ATP11A: variants seen among roughly 807,000 people sequenced by gnomAD.
The protein encoded by ATP11A is phospholipid-transporting ATPase IH.
In ATP11A, 81 loss-of-function variants were observed where a neutral mutation model predicts 154.4. The ratio of observed to expected loss-of-function variants is 0.52; its 90% CI spans 0.44 to 0.63. ATP11A has a LOEUF of 0.63. ATP11A is among the 30% of genes least tolerant of loss of function. ATP11A has a pLI of 0.00. For synonymous variants in ATP11A, 623 were observed against 585.9 expected (o/e 1.06, Z -0.91); for missense variants, 1,316 against 1,474.3 (o/e 0.89, Z 1.76).
chr13:112,743,768 C>T (rs1891812149), intron 1 of ATP11A, among the ~76,000 whole-genome samples: 1 of 152,246 alleles, frequency 6.6e-6, no homozygotes, highest in South Asian at 2.1e-4. Flanking sequence ...ACCTATACAG[C>T]TTCAGGAAAA....
intron 1 of ATP11A, among the ~76,000 whole-genome samples, chr13:112,747,767 C>T (rs1033975177): frequency 2.6e-5 from 4 of 151,750 alleles, no homozygotes. Context: ...ACCTGGGAGG[C>T]GGTGGTTGCA....
In ATP11A at chr13:112,837,834, T is replaced by C. The variant is rs142609325; in HGVS notation, c.1705+1583T>C. On this transcript the variant is annotated intron_variant, in intron 16 of 29. Coordinates refer to ENST00000375645, the MANE Select transcript of ATP11A (RefSeq NM_015205.3). ...TCACTTCCTAAGACCCCGAAGGAGC[T>C]GTAGGGGGAGGCAGTGTGACTCTCG... 7.4e-4 allele frequency among the ~76,000 whole-genome samples: 113 copies of C among 151,834 alleles called. 1 individual carries two copies. The Middle Eastern group carries it at 0.017, about 23-fold the overall frequency.
chr13:112,798,624 G>T (rs571361235), intron 2 of ATP11A, among the ~76,000 whole-genome samples: 3 of 152,338 alleles, frequency 2.0e-5, no homozygotes, highest in Admixed American at 6.5e-5. Flanking sequence ...GGCGTATATT[G>T]TGGCCTCTAG....
At chr13:112,770,033 C>T (rs889857740) in intron 1 of ATP11A, among the ~76,000 whole-genome samples, 1 of 152,190 alleles carries the variant, frequency 6.6e-6, no homozygotes, top group African/African-American at 2.4e-5. Context: ...TCCAACTGCA[C>T]CCCCCAATCC....
At chr13:112,812,183 C>G (rs1038798975) in intron 5 of ATP11A, 1 of 152,178 alleles carries the variant, frequency 6.6e-6, no homozygotes. Context: ...TTATACTAGT[C>G]ATTTGGAAGC....
At chr13:112,780,264 C>T (rs909573991) in intron 1 of ATP11A, among the ~76,000 whole-genome samples, 2 of 152,154 alleles carry the variant, frequency 1.3e-5, no homozygotes, top group African/African-American at 2.4e-5. Context: ...CACCCTCCAA[C>T]CCAGAAGGTT....
At position 112,696,426 on chromosome 13, in the gene ATP11A, C is replaced by T. The variant is rs1056556394; in HGVS notation, c.39+5971C>T. ...GCCCAGCAGCCTTTCTGCCTCTGCG[C>T]TTGCCTCCTCCGGTTGGAGCGAGTG... On this transcript the variant is annotated intron_variant, in intron 1 of 29. Coordinates refer to ENST00000375645, the MANE Select transcript of ATP11A (RefSeq NM_015205.3). The surrounding 1 kb of genome is among the most constrained non-coding windows in gnomAD (Gnocchi z 6.2). 2.6e-5 allele frequency among the ~76,000 whole-genome samples: 4 copies of T among 152,232 alleles called. No homozygotes were observed. The highest frequency in any genetic ancestry group is 6.8e-3 in the Middle Eastern group (2 of 294).
intron 13 of ATP11A, 41 bp from the exon 14 acceptor site, chr13:112,832,819 C>T (rs764223422): frequency 1.3e-5 from 20 of 1,596,080 alleles, no homozygotes; most frequent in African/African-American, 1.1e-4. Context: ...CTTCAGTGGA[C>T]GCACCGTGAT....
At chr13:112,779,477 C>G (rs2077446341) in intron 1 of ATP11A, among the ~76,000 whole-genome samples, 1 of 152,106 alleles carries the variant, frequency 6.6e-6, no homozygotes, top group Admixed American at 6.6e-5. Flanking sequence ...GGCAGCAATA[C>G]CCCATCTTTA....
chr13:112,849,841 G>C (rs764063571), intron 17 of ATP11A, among the ~76,000 whole-genome samples: 1 of 152,244 alleles, frequency 6.6e-6, no homozygotes, highest in Non-Finnish European at 1.5e-5. Context: ...AGGTGAGGCT[G>C]GGGTGGCTGA....
rs970619130 is a variant in ATP11A at position 112,886,855 on chromosome 13, T to G, written c.*4989T>G. The stretch of plus-strand genomic sequence containing the variant: ...TGAATGGTATCCATAGTTGTCATCA[T>G]CATAAATACTGGAGTTTATTTTTAA... On this transcript the variant is annotated 3_prime_UTR_variant, in exon 30 of 30. Coordinates refer to ENST00000375645, the MANE Select transcript of ATP11A (RefSeq NM_015205.3). 3.3e-5 allele frequency: 5 copies of G among 152,458 alleles called. No individual in the cohort carries two copies. Among genetic ancestry groups the G allele is most frequent in the Non-Finnish European group, 7.3e-5 (5 of 68,034 alleles). 9.4% of individuals were successfully genotyped at this position (152,458 alleles called of 1,614,324 possible). A position where few individuals can be genotyped will look rare whatever the true frequency, so the allele number is the denominator to read the frequency against.
rs755776117 is a variant in ATP11A at position 112,856,114 on chromosome 13, T to C, written c.2418+29T>C. 1.9e-6 allele frequency: 3 copies of C among 1,595,318 alleles called. No homozygotes were observed. In the East Asian group the frequency reaches 6.7e-5, roughly 36 times the overall value. On this transcript the variant is annotated intron_variant, in intron 20 of 29. Transcript: ENST00000375645. The stretch of plus-strand genomic sequence containing the variant: ...CTGCCCGCCCGTCCTCGATAGCTGG[T>C]GGTCAGGGCGTCCAAAACACTGAAA...
intron 1 of ATP11A, among the ~76,000 whole-genome samples, chr13:112,728,397 G>A (rs909600775): frequency 2.0e-5 from 3 of 149,214 alleles, no homozygotes; most frequent in African/African-American, 2.5e-5. Context: ...GAGACTGTGC[G>A]GCCCGGCTCC....
chr13:112,788,863 C>T (rs533275464), intron 2 of ATP11A, among the ~76,000 whole-genome samples: 23 of 146,854 alleles, frequency 1.6e-4, no homozygotes, highest in Admixed American at 1.1e-3. Flanking sequence ...AATTCACACC[C>T]GGCATCCTGA....
chr13:112,753,308 T>G lies in ATP11A; in HGVS notation c.40-31827T>G, dbSNP rs1347406554. ...TTTATAAATAGTGCTGCAGATGCCT[T>G]GTGAGTACATCAGCTATATTTCTGC... On this transcript the variant is annotated intron_variant, in intron 1 of 29. Coordinates refer to ENST00000375645, the MANE Select transcript of ATP11A (RefSeq NM_015205.3). The surrounding 1 kb of genome is among the most constrained non-coding windows in gnomAD (Gnocchi z 4.1). 1.3e-5 allele frequency among the ~76,000 whole-genome samples: 2 copies of G among 152,206 alleles called. No individual in the cohort carries two copies. The highest frequency in any genetic ancestry group is 4.8e-5 in the African/African-American group (2 of 41,440).
At position 112,754,196 on chromosome 13, in the gene ATP11A, G is replaced by A. The variant is rs1037377236; in HGVS notation, c.40-30939G>A. 7.2e-5 allele frequency among the ~76,000 whole-genome samples: 11 copies of A among 152,208 alleles called. No individual in the cohort carries two copies. Among genetic ancestry groups the A allele is most frequent in the Admixed American group, 5.9e-4 (9 of 15,290 alleles). On this transcript the variant is annotated intron_variant, in intron 1 of 29. Coordinates refer to ENST00000375645, the MANE Select transcript of ATP11A (RefSeq NM_015205.3). The surrounding 1 kb of genome is among the most constrained non-coding windows in gnomAD (Gnocchi z 5.3). ...GCCTGCGCTGGGGTCTGGGAAATTC[G>A]TTTTCTCGCAGAAGGCAGAGAAGGC...
chr13:112,833,123 C>T, intron 14 of ATP11A, 100 bp downstream of exon 14: 7 of 1,444,060 alleles, frequency 4.8e-6, no homozygotes, highest in Non-Finnish European at 9.4e-7. Context: ...CTCAGCCCCA[C>T]CCTGTGCCCT....
rs117564204 is a variant in ATP11A, at chr13:112,732,533, G to A, written c.39+42078G>A. Among the ~76,000 whole-genome samples, 39 of 152,020 alleles carry A rather than the reference G, an allele frequency of 2.6e-4. No homozygotes were observed. The East Asian group carries it at 7.3e-3, about 29-fold the overall frequency. On this transcript the variant is annotated intron_variant, in intron 1 of 29. Transcript: ENST00000375645. The stretch of plus-strand genomic sequence containing the variant: ...GCATCTCTCTGCATTTTCTCTTCTG[G>A]CCTTTGTGGTTAAACTTGAGAATAA...
At chr13:112,792,171 A>T (rs1250856681) in intron 2 of ATP11A, among the ~76,000 whole-genome samples, 1 of 152,176 alleles carries the variant, frequency 6.6e-6, no homozygotes, top group Non-Finnish European at 1.5e-5. Context: ...TTGCTAATGG[A>T]ACTCAGGAAG....
Sources: allele counts gnomAD v4.1 joint callset (sites outside exome capture counted in the v4.1 genomes callset), GRCh38; gene constraint gnomAD v4.1.1; non-coding constraint Gnocchi (gnomAD v3.1); transcripts MANE v1.5; gene names NCBI Gene and HGNC (gene_info 2026-07-23, HGNC 2026-07-21).